Variants in CAMKK1 observed in about 807,000 individuals in gnomAD.
The protein encoded by CAMKK1 is calcium/calmodulin dependent protein kinase kinase 1.
Under a neutral mutation model 63.5 loss-of-function variants are expected in CAMKK1, and 20 were observed. The observed-to-expected ratio is 0.32, with a 90% CI of 0.22 to 0.46. CAMKK1 has a LOEUF of 0.46. CAMKK1 is among the 20% of genes least tolerant of loss of function. The probability of loss-of-function intolerance (pLI) is 1.00; values close to 1 mark genes in which losing one functional copy is unlikely to be tolerated. For missense variants in CAMKK1, 588 were observed against 658.1 expected, an observed-to-expected ratio of 0.89 and a Z score of 1.17; for synonymous variants, 253 against 269.0, an observed-to-expected ratio of 0.94 and a Z score of 0.58.
intron 9 of CAMKK1, 136 bp downstream of exon 9, chr17:3,880,210 T>A: frequency 8.2e-5 from 51 of 625,344 alleles, no homozygotes; most frequent in Middle Eastern, 4.7e-4. Context: ...CACACGTGCA[T>A]GCCCCACTCC....
chr17:3,876,109 T>C, intron 10 of CAMKK1, 114 bp downstream of exon 10: 1 of 991,924 alleles, frequency 1.0e-6, no homozygotes, highest in South Asian at 1.7e-5. Context: ...GAGGCAAATA[T>C]GTCACTCCCT....
chr17:3,879,411 C>T lies in CAMKK1; in HGVS notation c.796+935G>A, dbSNP rs76332447. On this transcript the variant is annotated intron_variant, in intron 9 of 15. Transcript: ENST00000348335. The surrounding 1 kb of genome is among the most constrained non-coding windows in gnomAD (Gnocchi z 4.5). Reference sequence around the variant, plus strand: ...GCTTTCTCAGGCACAAATCCCATCACGCCCCTCCCCATGCTTAAAGCTCTC... The same window carrying T: ...GCTTTCTCAGGCACAAATCCCATCATGCCCCTCCCCATGCTTAAAGCTCTC... The T allele has an allele frequency of 6.9e-3, 1,054 of 152,774 alleles. 9 individuals are homozygous for T. Among genetic ancestry groups the T allele is most frequent in the East Asian group, 0.03 (157 of 5,186 alleles). 9.5% of individuals were successfully genotyped at this position (152,774 alleles called of 1,614,324 possible).
chr17:3,870,566 C>T (rs1046012052), intron 12 of CAMKK1, among the ~76,000 whole-genome samples: 12 of 152,056 alleles, frequency 7.9e-5, no homozygotes, highest in Admixed American at 2.0e-4. Flanking sequence ...GGGGTTTCAC[C>T]GTGTTAGCCA....
In CAMKK1 at chr17:3,860,429, A is replaced by G. The variant is rs1201510748; in HGVS notation, c.*1782T>C. On this transcript the variant is annotated 3_prime_UTR_variant, in exon 16 of 16. Coordinates refer to ENST00000348335, the MANE Select transcript of CAMKK1 (RefSeq NM_032294.3). The stretch of plus-strand genomic sequence containing the variant: ...TTGCTCATCGCTTGTGCTACATTCA[A>G]AAACAACGATGCCAACCAAAACCCT... 1 of 152,650 alleles carries G rather than the reference A, an allele frequency of 6.6e-6. No individual in the cohort carries two copies. The highest frequency in any genetic ancestry group is 1.5e-5 in the Non-Finnish European group (1 of 68,044). The allele number at this position is 152,650 out of a possible 1,614,324, so 9.5% of individuals were successfully genotyped here. A position where few individuals can be genotyped will look rare whatever the true frequency, so the allele number is the denominator to read the frequency against.
intron 10 of CAMKK1, among the ~76,000 whole-genome samples, chr17:3,875,955 C>T (rs2055131696): frequency 6.6e-6 from 1 of 152,196 alleles, no homozygotes; most frequent in South Asian, 2.1e-4. Context: ...AAACAGGGTT[C>T]TCTTTGTTTC....
At chr17:3,885,292 G>T in intron 2 of CAMKK1, 36 bp downstream of exon 2, 1 of 1,543,558 alleles carries the variant, frequency 6.5e-7, no homozygotes, top group South Asian at 1.2e-5. Flanking sequence ...GACTACTGAG[G>T]GGCTCATGAA....
chr17:3,866,372 C>T (rs2054523905), intron 14 of CAMKK1, among the ~76,000 whole-genome samples: 1 of 152,248 alleles, frequency 6.6e-6, no homozygotes, highest in African/African-American at 2.4e-5. Flanking sequence ...ATCCTTCCCG[C>T]CTTCCGGCCG....
At position 3,879,158 on chromosome 17, in the gene CAMKK1, C is replaced by T. The variant is rs2055298012; in HGVS notation, c.796+1188G>A. On this transcript the variant is annotated intron_variant, in intron 9 of 15. Transcript: ENST00000348335. The surrounding 1 kb of genome is among the most constrained non-coding windows in gnomAD (Gnocchi z 4.5). Reference sequence around the variant, plus strand: ...TGGGCATCTCCCCTGGTCCCCAACCCACGCCAGGACCCTAGGTGTCTAGGG... The same window carrying T: ...TGGGCATCTCCCCTGGTCCCCAACCTACGCCAGGACCCTAGGTGTCTAGGG... The T allele has an allele frequency of 6.6e-6, 1 of 152,348 alleles. No individual in the cohort carries two copies. Among genetic ancestry groups the T allele is most frequent in the Admixed American group, 6.5e-5 (1 of 15,270 alleles). The allele number at this position is 152,348 out of a possible 1,614,324, so 9.4% of individuals were successfully genotyped here. A position where few individuals can be genotyped will look rare whatever the true frequency, so the allele number is the denominator to read the frequency against.
intron 14 of CAMKK1, among the ~76,000 whole-genome samples, chr17:3,866,227 G>T (rs779682119): frequency 1.8e-4 from 28 of 152,364 alleles, no homozygotes; most frequent in African/African-American, 6.5e-4. Context: ...GGTACATGAG[G>T]AGGGGGCCGG....
intron 15 of CAMKK1, chr17:3,865,470 C>T (rs1013791775): frequency 2.0e-5 from 20 of 1,008,202 alleles, no homozygotes; most frequent in Admixed American, 5.2e-5. Context: ...GGGGCCAGCA[C>T]CCCTCCTCTA....
intron 12 of CAMKK1, among the ~76,000 whole-genome samples, chr17:3,872,143 C>T (rs1027517599): frequency 6.6e-5 from 10 of 152,338 alleles, no homozygotes; most frequent in African/African-American, 2.4e-4. Flanking sequence ...TGACCGCTCT[C>T]CTCCAGAGCA....
intron 9 of CAMKK1, among the ~76,000 whole-genome samples, chr17:3,876,902 T>A (rs2055189788): frequency 6.6e-6 from 1 of 151,736 alleles, no homozygotes; most frequent in Admixed American, 6.6e-5. Context: ...GGATTACAGG[T>A]GTCTGCCACC....
At position 3,892,353 on chromosome 17, in the gene CAMKK1, C is replaced by T. The variant is rs1260930533; in HGVS notation, c.-44+586G>A. On this transcript the variant is annotated intron_variant, in intron 1 of 15. Transcript: ENST00000348335. This position sits in a 1 kb window ranked among gnomAD's most constrained non-coding sequence, Gnocchi z 7.5. ...CCGCCTCCAAACAGCACACGCAGGTCCCTGCGCACGTGGACACCCCCCCAG... is the reference window on the plus strand; with the variant it reads ...CCGCCTCCAAACAGCACACGCAGGTTCCTGCGCACGTGGACACCCCCCCAG... Among the ~76,000 whole-genome samples the T allele has an allele frequency of 6.6e-6, 1 of 152,184 alleles. No homozygotes were observed. The highest frequency in any genetic ancestry group is 2.4e-5 in the African/African-American group (1 of 41,454).
Position 3,883,450 on chromosome 17 carries a change from G to C in CAMKK1, c.493C>G (p.Leu165Val), listed in dbSNP as rs1027067554. ...ATACGTGGAAAGCCATACTGCTTCA[G>C]TAACTTCTTTTTGGAAAGGACTTTC... ...AMKVLSKKKL[L>V]KQYGFPRRPP... is the part of the protein sequence containing the mutation. Residue 165 changes from leucine to valine, a missense_variant, in exon 5 of 16, where the codon CTG becomes GTG. Physicochemically the swap from Leu to Val is conservative, Grantham distance 32. This residue lies in a region of CAMKK1 where 357 missense variants were observed against 407.4 expected (regional missense o/e 0.88). Coordinates refer to ENST00000348335, the MANE Select transcript of CAMKK1 (RefSeq NM_032294.3). The surrounding 1 kb of genome is among the most constrained non-coding windows in gnomAD (Gnocchi z 4.7). The C allele has an allele frequency of 2.5e-6, 4 of 1,613,932 alleles. No homozygotes were observed. Among genetic ancestry groups the C allele is most frequent in the Non-Finnish European group, 3.4e-6 (4 of 1,179,796 alleles).
chr17:3,877,291 G>A (rs2055210118), intron 9 of CAMKK1, among the ~76,000 whole-genome samples: 1 of 152,150 alleles, frequency 6.6e-6, no homozygotes, highest in African/African-American at 2.4e-5. Flanking sequence ...GGCACCCCAG[G>A]CCTTGGGACA....
chr17:3,884,389 C>T lies in CAMKK1; in HGVS notation c.399G>A (p.Glu133=), dbSNP rs745535128. The change falls in exon 3 of 16, where the codon GAG becomes GAA. Residue 133 remains glutamate (E), a synonymous_variant. Coordinates refer to ENST00000348335, the MANE Select transcript of CAMKK1 (RefSeq NM_032294.3). The surrounding 1 kb of genome is among the most constrained non-coding windows in gnomAD (Gnocchi z 4.5). ...GCCTGCCCACTCCTACCTTGCCAAT[C>T]TCACTCTGCAGCTTGTACTGGTTCA... is the stretch of plus-strand genomic sequence containing the variant. The part of the protein sequence containing the change: ...VQLNQYKLQS[E]IGKGAYGVVR... The T allele has an allele frequency of 8.7e-6, 14 of 1,613,888 alleles. No individual in the cohort carries two copies. Among genetic ancestry groups the T allele is most frequent in the Middle Eastern group, 1.6e-4 (1 of 6,078 alleles).
At position 3,882,120 on chromosome 17, in the gene CAMKK1, T is replaced by C. The variant is rs369285189; in HGVS notation, c.685+408A>G. The C allele has an allele frequency of 3.4e-5, 21 of 612,394 alleles. No homozygotes were observed. In the African/African-American group the frequency reaches 3.7e-4, roughly 11 times the overall value. 37.9% of individuals were successfully genotyped at this position (612,394 alleles called of 1,614,324 possible). ...AACAAGGATAATAACGAATGTGCTT[T>C]ACATATAATTACTCATTTACTCTTC... On this transcript the variant is annotated intron_variant, in intron 7 of 15. Transcript: ENST00000348335. This position sits in a 1 kb window ranked among gnomAD's most constrained non-coding sequence, Gnocchi z 4.3.
chr17:3,865,449 G>C, intron 15 of CAMKK1: 2 of 998,224 alleles, frequency 2.0e-6, no homozygotes, highest in Non-Finnish European at 2.4e-6. Context: ...CAGTCCCCAG[G>C]GCCAGGCAGA....
chr17:3,865,312 C>T (rs2143779259), intron 15 of CAMKK1: 1 of 987,126 alleles, frequency 1.0e-6, no homozygotes, highest in African/African-American at 1.7e-5. Flanking sequence ...ATGCGGGTTC[C>T]TCTCCCGTGG....
Sources: gnomAD v4.1 joint callset for allele counts (sites outside exome capture counted in the v4.1 genomes callset) on GRCh38, gnomAD v4.1.1 for gene constraint, gnomAD v4.1.1 regional missense constraint, Gnocchi (gnomAD v3.1) non-coding constraint, MANE v1.5 for transcripts, NCBI Gene and HGNC (gene_info 2026-07-23, HGNC 2026-07-21) for gene names.